KIF21A: variants seen among roughly 807,000 people sequenced by gnomAD.
KIF21A encodes kinesin-like protein KIF21A.
In KIF21A, 114 loss-of-function variants were observed where a neutral mutation model predicts 202.9. The observed-to-expected ratio is 0.56, with a 90% confidence interval of 0.48 to 0.66. KIF21A has a LOEUF of 0.66. KIF21A is among the 30% of genes least tolerant of loss of function. KIF21A has a pLI of 0.00. For missense variants in KIF21A, 1,677 were observed against 1,994.9 expected, an observed-to-expected ratio of 0.84 and a Z score of 3.04; for synonymous variants, 667 against 670.8, an observed-to-expected ratio of 0.99 and a Z score of 0.09.
At chr12:39,441,228 AG>A (rs1037626752) in intron 1 of KIF21A, among the ~76,000 whole-genome samples, 3 of 152,158 alleles carry the variant, frequency 2.0e-5, no homozygotes, top group Non-Finnish European at 2.9e-5. Flanking sequence ...GTTATTTATC[AG>A]TCAGCATCAC....
intron 1 of KIF21A, among the ~76,000 whole-genome samples, chr12:39,433,782 A>G (rs1200818892): frequency 6.6e-6 from 1 of 152,242 alleles, no homozygotes; most frequent in Non-Finnish European, 1.5e-5. Context: ...AGAGTAGAGC[A>G]GTATGGCATG....
At chr12:39,361,952 G>A (rs1949270500) in intron 7 of KIF21A, among the ~76,000 whole-genome samples, 1 of 152,194 alleles carries the variant, frequency 6.6e-6, no homozygotes, top group South Asian at 2.1e-4. Flanking sequence ...CCCAGTGTTG[G>A]AGGTGGGGCC....
chr12:39,306,520 C>T (rs1943487597), intron 34 of KIF21A, among the ~76,000 whole-genome samples: 1 of 152,012 alleles, frequency 6.6e-6, no homozygotes, highest in South Asian at 2.1e-4. Flanking sequence ...TATATTTTGC[C>T]AGTCATACTT....
chr12:39,335,078 G>T (rs899103266), intron 17 of KIF21A, among the ~76,000 whole-genome samples: 2 of 152,082 alleles, frequency 1.3e-5, no homozygotes, highest in African/African-American at 4.8e-5. Flanking sequence ...AGAATGAAGT[G>T]CTGATACATG....
intron 1 of KIF21A, among the ~76,000 whole-genome samples, chr12:39,398,181 T>C (rs952688278): frequency 3.3e-5 from 5 of 152,246 alleles, no homozygotes; most frequent in Admixed American, 3.3e-4. Context: ...ATTTACACTC[T>C]ACATTTTAAA....
intron 1 of KIF21A, among the ~76,000 whole-genome samples, chr12:39,370,499 AAATCC>A (rs1949882024): frequency 6.6e-6 from 1 of 152,180 alleles, no homozygotes; most frequent in East Asian, 1.9e-4. Context: ...GAACAAAGTA[AAATCC>A]ATCTTAAAAT....
chr12:39,399,748 T>A (rs991119403), intron 1 of KIF21A, among the ~76,000 whole-genome samples: 9 of 152,214 alleles, frequency 5.9e-5, no homozygotes, highest in African/African-American at 1.9e-4. Context: ...CCCCTAGGCA[T>A]CTTCCATGTG....
At chr12:39,436,425 T>C (rs1938714301) in intron 1 of KIF21A, among the ~76,000 whole-genome samples, 1 of 109,882 alleles carries the variant, frequency 9.1e-6, no homozygotes, top group Admixed American at 8.7e-5. Context: ...TACTATATTA[T>C]ATATATATAT....
intron 1 of KIF21A, among the ~76,000 whole-genome samples, chr12:39,421,575 C>T (rs1954262156): frequency 6.6e-6 from 1 of 151,820 alleles, no homozygotes; most frequent in Admixed American, 6.5e-5. Flanking sequence ...TGCCTGTAGT[C>T]CCAGCTACTC....
chr12:39,348,129 CT>C (rs1464699372), intron 11 of KIF21A, among the ~76,000 whole-genome samples: 1 of 152,010 alleles, frequency 6.6e-6, no homozygotes, highest in African/African-American at 2.4e-5. Flanking sequence ...CCTAAATTGC[CT>C]TTTTAAAAAC....
chr12:39,304,722 GA>G (rs1356825377), intron 35 of KIF21A, 98 bp downstream of exon 35: 7 of 717,888 alleles, frequency 9.8e-6, no homozygotes, highest in Non-Finnish European at 9.9e-6. Context: ...GACTAGAAAG[GA>G]AAAAAGAAAA....
chr12:39,375,665 T>C (rs981622522), intron 1 of KIF21A, among the ~76,000 whole-genome samples: 1 of 152,076 alleles, frequency 6.6e-6, no homozygotes, highest in Admixed American at 6.6e-5. Context: ...CATTACTTAT[T>C]GTACCACAAG....
chr12:39,330,259 A>G lies in KIF21A; in HGVS notation c.3323T>C (p.Leu1108Pro). 1.2e-6 allele frequency: 2 copies of G among 1,612,342 alleles called. No homozygotes were observed. The highest frequency in any genetic ancestry group is 1.7e-6 in the Non-Finnish European group (2 of 1,178,616). ...DALLGHALQD[L>P]DSVPLENVED... ...ATACTTACCTAATGGTACGCTATCT[A>G]GATCTGTGTAAATAACAGCAAAAAG... The change falls in exon 24 of 38, where the codon CTA becomes CCA. Residue 1108 changes from leucine (L) to proline (P), a missense_variant. Leu to Pro is a moderately conservative substitution (Grantham distance 98). Coordinates refer to ENST00000361418, the MANE Select transcript of KIF21A (RefSeq NM_001173464.2).
chr12:39,342,668 T>C (rs1438211331), intron 12 of KIF21A, among the ~76,000 whole-genome samples: 2 of 152,062 alleles, frequency 1.3e-5, no homozygotes, highest in African/African-American at 4.8e-5. Flanking sequence ...GCACAGGCTC[T>C]TTTTTCTTAG....
At chr12:39,339,900 C>T (rs753807739) in intron 16 of KIF21A, among the ~76,000 whole-genome samples, 2 of 152,116 alleles carry the variant, frequency 1.3e-5, no homozygotes, top group African/African-American at 2.4e-5. Context: ...TTTTGTTAAG[C>T]TTGCATAAGA....
At chr12:39,428,450 CTAT>C (rs1954928780) in intron 1 of KIF21A, among the ~76,000 whole-genome samples, 1 of 152,122 alleles carries the variant, frequency 6.6e-6, no homozygotes, top group African/African-American at 2.4e-5. Flanking sequence ...GTTTCAGTGG[CTAT>C]TATTGTGTCA....
chr12:39,341,768 G>C (rs1283102444), intron 13 of KIF21A, 146 bp from the exon 14 acceptor site: 1 of 935,694 alleles, frequency 1.1e-6, no homozygotes, highest in Non-Finnish European at 1.6e-6. Context: ...TTATTACAGA[G>C]TAATTTTGTC....
chr12:39,308,986 AT>A (rs748303201), intron 33 of KIF21A, among the ~76,000 whole-genome samples: 96 of 152,276 alleles, frequency 6.3e-4, no homozygotes, highest in African/African-American at 2.1e-3. Context: ...TTATTAAAAA[AT>A]TCATCAATAT....
At chr12:39,387,468 T>G (rs1411744982) in intron 1 of KIF21A, among the ~76,000 whole-genome samples, 1 of 152,130 alleles carries the variant, frequency 6.6e-6, no homozygotes, top group Admixed American at 6.5e-5. Flanking sequence ...AACAAAGATC[T>G]TTTTCTACTG....
Sources: gnomAD v4.1 joint callset for allele counts (sites outside exome capture counted in the v4.1 genomes callset) on GRCh38, gnomAD v4.1.1 for gene constraint, MANE v1.5 for transcripts, NCBI Gene and HGNC (gene_info 2026-07-23, HGNC 2026-07-21) for gene names.